Variants in ATXN10 observed in about 807,000 individuals in gnomAD.
ATXN10 encodes the protein ataxin 10, also known as ataxin-10.
In ATXN10, 28 loss-of-function variants were observed where a neutral mutation model predicts 52.9. That is an observed-to-expected ratio of 0.53 (90% CI 0.39 to 0.73). The LOEUF (loss-of-function observed/expected upper bound fraction) is 0.73. Among genes scored for constraint, ATXN10 ranks in the 30% least tolerant of loss-of-function variants. ATXN10 has a pLI of 0.00. For synonymous variants in ATXN10, 226 were observed against 221.5 expected, an observed-to-expected ratio of 1.02 and a Z score of -0.18; for missense variants, 565 against 577.0, an observed-to-expected ratio of 0.98 and a Z score of 0.21.
At chr22:45,801,380 C>G (rs1172486574) in intron 9 of ATXN10, among the ~76,000 whole-genome samples, 10 of 152,224 alleles carry the variant, frequency 6.6e-5, no homozygotes, top group Non-Finnish European at 1.5e-4. Flanking sequence ...GCCCAAGCCA[C>G]TTCTTTTTTA....
intron 9 of ATXN10, among the ~76,000 whole-genome samples, chr22:45,749,109 AC>A (rs1379392781): frequency 1.0e-5 from 1 of 97,862 alleles, no homozygotes; most frequent in Non-Finnish European, 2.5e-5. Flanking sequence ...TTGCAAACTA[AC>A]TAGGCTCCAG....
chr22:45,760,146 G>A (rs1228259167), intron 9 of ATXN10, among the ~76,000 whole-genome samples: 1 of 152,164 alleles, frequency 6.6e-6, no homozygotes, highest in East Asian at 1.9e-4. Context: ...CCCATGTACT[G>A]GTGGCCTAGC....
intron 10 of ATXN10, among the ~76,000 whole-genome samples, chr22:45,807,438 G>GT (rs2146885237): frequency 6.6e-6 from 1 of 152,176 alleles, no homozygotes; most frequent in East Asian, 1.9e-4. Flanking sequence ...TTTAACAAGG[G>GT]TTTGGCAACG....
Position 45,709,443 on chromosome 22 carries a change from C to T in ATXN10, c.647+6596C>T, listed in dbSNP as rs527884706. Among the ~76,000 whole-genome samples the T allele has an allele frequency of 6.6e-5, 10 of 152,284 alleles. No homozygotes were observed. The South Asian group carries it at 1.7e-3, about 25-fold the overall frequency. ...AAATTCCAGGGTCATTGGGTGAAGGCACGGTGAATCCAGGGCTGAAAGATG... is the reference window on the plus strand; with the variant it reads ...AAATTCCAGGGTCATTGGGTGAAGGTACGGTGAATCCAGGGCTGAAAGATG... On this transcript the variant is annotated intron_variant, in intron 5 of 11. Coordinates refer to ENST00000252934, the MANE Select transcript of ATXN10 (RefSeq NM_013236.4).
intron 10 of ATXN10, among the ~76,000 whole-genome samples, chr22:45,812,071 C>T (rs1021055469): frequency 5.3e-5 from 8 of 152,172 alleles, no homozygotes; most frequent in Non-Finnish European, 1.0e-4. Context: ...TGCGTGAAGG[C>T]AGTTGTCCAA....
In ATXN10 at chr22:45,718,451, A is replaced by G. The variant is rs1216804878; in HGVS notation, c.686A>G (p.Glu229Gly). ...ACAGACCTCTTTCTGAAAAGCCCGGAATTGGTACAAGCCATGTTTCCCAAA... is the reference window on the plus strand; with the variant it reads ...ACAGACCTCTTTCTGAAAAGCCCGGGATTGGTACAAGCCATGTTTCCCAAA... ...IITDLFLKSP[E>G]LVQAMFPKLN... Residue 229 changes from glutamate (E) to glycine (G), a missense_variant, in exon 6 of 12, where the codon GAA (glutamate) becomes GGA (glycine). Transcript: ENST00000252934. The surrounding 1 kb of genome is among the most constrained non-coding windows in gnomAD (Gnocchi z 4.4). 6.2e-7 allele frequency: 1 copy of G among 1,613,736 alleles called. No individual in the cohort carries two copies. The highest frequency in any genetic ancestry group is 1.1e-5 in the South Asian group (1 of 91,070).
chr22:45,675,712 A>G (rs1439122576), intron 1 of ATXN10: 1 of 152,228 alleles, frequency 6.6e-6, no homozygotes, highest in Admixed American at 6.5e-5. Flanking sequence ...TCTGTGTGAG[A>G]TCATAAATGT....
At chr22:45,742,063 G>C (rs766042675) in intron 9 of ATXN10, among the ~76,000 whole-genome samples, 1 of 152,130 alleles carries the variant, frequency 6.6e-6, no homozygotes, top group Non-Finnish European at 1.5e-5. Flanking sequence ...TGAATCACAC[G>C]TGTGGGGCAG....
Position 45,843,712 on chromosome 22 carries a change from C to G in ATXN10, c.*41C>G. On this transcript the variant is annotated 3_prime_UTR_variant, in exon 12 of 12. Coordinates refer to ENST00000252934, the MANE Select transcript of ATXN10 (RefSeq NM_013236.4). The surrounding 1 kb of genome is among the most constrained non-coding windows in gnomAD (Gnocchi z 4.5). ...ATACCTGAATTTTTGGAATCTGTTT[C>G]ATGGATTTTTCATCTTCTACCGTAT... 6.3e-7 allele frequency: 1 copy of G among 1,596,312 alleles called. No homozygotes were observed. Among genetic ancestry groups the G allele is most frequent in the Non-Finnish European group, 8.6e-7 (1 of 1,165,338 alleles).
chr22:45,794,281 C>G (rs933691495), intron 9 of ATXN10, among the ~76,000 whole-genome samples: 6 of 151,928 alleles, frequency 3.9e-5, no homozygotes, highest in African/African-American at 1.5e-4. Context: ...TTAAAAAGGA[C>G]AGTTGTATCC....
At chr22:45,813,887 T>C (rs531803195) in intron 10 of ATXN10, among the ~76,000 whole-genome samples, 2 of 152,266 alleles carry the variant, frequency 1.3e-5, no homozygotes, top group South Asian at 2.1e-4. Flanking sequence ...TCAAATAATA[T>C]CACCGAACAG....
intron 10 of ATXN10, among the ~76,000 whole-genome samples, chr22:45,830,273 A>C (rs1424274119): frequency 6.6e-6 from 1 of 152,238 alleles, no homozygotes; most frequent in Non-Finnish European, 1.5e-5. Flanking sequence ...GAAGCTTCAC[A>C]TGACATTGGA....
rs180783621 is a variant in ATXN10, at chr22:45,723,436, G to T, written c.728+4943G>T. On this transcript the variant is annotated intron_variant, in intron 6 of 11. Coordinates refer to ENST00000252934, the MANE Select transcript of ATXN10 (RefSeq NM_013236.4). ...GTGGTTTTGGTCACATGGATGGGTT[G>T]TATAGTGGTGAAGTCGGCGATTTTA... is the stretch of plus-strand genomic sequence containing the variant. Among the ~76,000 whole-genome samples, 50 of 152,084 alleles carry T rather than the reference G, an allele frequency of 3.3e-4. No homozygotes were observed. In the East Asian group the frequency reaches 9.3e-3, roughly 28 times the overall value.
At position 45,845,266 on chromosome 22, in the gene ATXN10, TAAC is replaced by T. The variant is rs1415237281; in HGVS notation, c.*1598_*1600del. 3.9e-5 allele frequency: 6 copies of T among 152,174 alleles called. No individual in the cohort carries two copies. The highest frequency in any genetic ancestry group is 1.4e-4 in the African/African-American group (6 of 41,440). 9.4% of individuals were successfully genotyped at this position (152,174 alleles called of 1,614,324 possible). A position where few individuals can be genotyped will look rare whatever the true frequency, so the allele number is the denominator to read the frequency against. ...AAACTTGTCGGTATGAGCTATATAA[TAAC>T]AAACACAAATAAATAAAAGGGAGCC... On this transcript the variant is annotated 3_prime_UTR_variant, in exon 12 of 12. Transcript: ENST00000252934. The surrounding 1 kb of genome is among the most constrained non-coding windows in gnomAD (Gnocchi z 4.7).
chr22:45,754,131 G>A lies in ATXN10; in HGVS notation c.1173+13593G>A, dbSNP rs751572922. Among the ~76,000 whole-genome samples, 31 of 152,262 alleles carry A rather than the reference G, an allele frequency of 2.0e-4. No individual in the cohort carries two copies. Among genetic ancestry groups the A allele is most frequent in the Non-Finnish European group, 3.7e-4 (25 of 68,052 alleles). On this transcript the variant is annotated intron_variant, in intron 9 of 11. Coordinates refer to ENST00000252934, the MANE Select transcript of ATXN10 (RefSeq NM_013236.4). The surrounding 1 kb of genome is among the most constrained non-coding windows in gnomAD (Gnocchi z 5.4). ...GAGCCTTATGGGGTTAAGTGCAAAA[G>A]TGAGTCCTGTCAGCTAAGCAGGAGC...
chr22:45,766,820 A>G lies in ATXN10; in HGVS notation c.1173+26282A>G, dbSNP rs8136731. On this transcript the variant is annotated intron_variant, in intron 9 of 11. Transcript: ENST00000252934. The surrounding 1 kb of genome is among the most constrained non-coding windows in gnomAD (Gnocchi z 4.6). ...CAAAGAGTTTCCAAAAATAAAGGAA[A>G]AAACCAATAGCCCTACAGAAAAATG... 0.046 allele frequency among the ~76,000 whole-genome samples: 7,056 copies of G among 152,318 alleles called. 195 individuals carry two copies. The highest frequency in any genetic ancestry group is 0.06 in the Non-Finnish European group (4,098 of 68,010).
Position 45,787,238 on chromosome 22 carries a change from G to A in ATXN10, c.1174-19721G>A, listed in dbSNP as rs993428948. On this transcript the variant is annotated intron_variant, in intron 9 of 11. Coordinates refer to ENST00000252934, the MANE Select transcript of ATXN10 (RefSeq NM_013236.4). This position sits in a 1 kb window ranked among gnomAD's most constrained non-coding sequence, Gnocchi z 4.2. ...GGATCTGTCCCCATCTCAGGGTTGGGGCTTGGCTCCTGAAAGAAGGGTCAG... is the reference window on the plus strand; with the variant it reads ...GGATCTGTCCCCATCTCAGGGTTGGAGCTTGGCTCCTGAAAGAAGGGTCAG... 4.3e-4 allele frequency among the ~76,000 whole-genome samples: 66 copies of A among 152,114 alleles called. No individual in the cohort carries two copies. Among genetic ancestry groups the A allele is most frequent in the Non-Finnish European group, 2.9e-4 (20 of 68,018 alleles).
At chr22:45,689,337 T>G in intron 1 of ATXN10, 1 of 307,508 alleles carries the variant, frequency 3.3e-6, no homozygotes, top group South Asian at 3.4e-5. Flanking sequence ...TGGGTTGTCA[T>G]GGGTAGTGGA....
At chr22:45,711,579 T>C (rs1034802045) in intron 5 of ATXN10, among the ~76,000 whole-genome samples, 9 of 152,198 alleles carry the variant, frequency 5.9e-5, no homozygotes, top group African/African-American at 2.2e-4. Context: ...ATCTGGGTTG[T>C]CACATACTAT....
Sources: allele counts gnomAD v4.1 joint callset (sites outside exome capture counted in the v4.1 genomes callset), GRCh38; gene constraint gnomAD v4.1.1; non-coding constraint Gnocchi (gnomAD v3.1); transcripts MANE v1.5; gene names NCBI Gene and HGNC (gene_info 2026-07-23, HGNC 2026-07-21).